ANXA8: variants seen among roughly 807,000 people sequenced by gnomAD.
ANXA8 encodes the protein annexin A8.
In ANXA8, 9 loss-of-function variants were observed where a neutral mutation model predicts 26.8. The observed-to-expected ratio is 0.34, with a 90% CI of 0.20 to 0.59. ANXA8 has a LOEUF of 0.59. Among genes scored for constraint, ANXA8 ranks in the 20% least tolerant of loss-of-function variants. The pLI is 0.84. For missense variants in ANXA8, 83 were observed against 238.5 expected, an observed-to-expected ratio of 0.35 and a Z score of 4.29; for synonymous variants, 39 against 94.8, an observed-to-expected ratio of 0.41 and a Z score of 3.42.
chr10:47,687,731 A>T, the ANXA8 span, among the ~76,000 whole-genome samples: 1 of 151,884 alleles, frequency 6.6e-6, no homozygotes, highest in African/African-American at 2.4e-5. Context: ...TATGAAGGTT[A>T]TTCTTTCTAT....
At chr10:47,973,907 GTT>G in the ANXA8 span, among the ~76,000 whole-genome samples, 1 of 151,060 alleles carries the variant, frequency 6.6e-6, no homozygotes, top group Non-Finnish European at 1.5e-5. Flanking sequence ...GCTTTTTGTT[GTT>G]GTCGTTGGTA....
the ANXA8 span, among the ~76,000 whole-genome samples, chr10:47,776,966 G>T: frequency 1.3e-5 from 2 of 151,846 alleles, no homozygotes; most frequent in Non-Finnish European, 1.5e-5. Context: ...AAACGGAAAA[G>T]GCGGAAGAGG....
At chr10:47,520,859 A>G in the ANXA8 span, among the ~76,000 whole-genome samples, 113 of 129,118 alleles carry the variant, frequency 8.8e-4, 1 homozygote, top group African/African-American at 2.9e-3. Flanking sequence ...AAAAAAAAAA[A>G]AAGAAGAAGA....
the ANXA8 span, among the ~76,000 whole-genome samples, chr10:47,968,646 C>T: frequency 6.8e-6 from 1 of 148,112 alleles, no homozygotes; most frequent in Non-Finnish European, 1.5e-5. Context: ...CACTAGCCAT[C>T]TCTTGCTTTG....
chr10:47,703,499 T>C, the ANXA8 span, among the ~76,000 whole-genome samples: 1 of 150,024 alleles, frequency 6.7e-6, no homozygotes, highest in Non-Finnish European at 1.5e-5. Flanking sequence ...TCCCAGGAGG[T>C]TGAGGCTGCA....
chr10:47,469,990 C>T (rs2458528), intron 11 of ANXA8, among the ~76,000 whole-genome samples: 4,448 of 151,250 alleles, frequency 0.029, 347 homozygotes, highest in African/African-American at 0.099. Context: ...GCGATCCTCC[C>T]GCGTTGGCCT....
the ANXA8 span, among the ~76,000 whole-genome samples, chr10:47,614,090 T>A: frequency 9.4e-5 from 7 of 74,676 alleles, 3 homozygotes; most frequent in Non-Finnish European, 1.7e-4. Context: ...AATTTGAATA[T>A]CTTTATGTTG....
At chr10:47,581,122 A>T in the ANXA8 span, 2 of 200,804 alleles carry the variant, frequency 1.0e-5, no homozygotes, top group South Asian at 1.6e-4. Flanking sequence ...AGTGAACTGC[A>T]TGTTGCTGCA....
chr10:47,614,065 TA>T, the ANXA8 span, among the ~76,000 whole-genome samples: 2 of 74,386 alleles, frequency 2.7e-5, 1 homozygote, highest in Non-Finnish European at 6.9e-5. Flanking sequence ...AAAATTCGAT[TA>T]TTTTTTCAAA....
the ANXA8 span, among the ~76,000 whole-genome samples, chr10:47,575,198 C>CAAAAAAAAA: frequency 7.3e-4 from 78 of 107,238 alleles, no homozygotes; most frequent in African/African-American, 1.8e-3. Context: ...GAGTGAAACT[C>CAAAAAAAAA]AAAAAAAAAA....
the ANXA8 span, among the ~76,000 whole-genome samples, chr10:47,708,184 C>CA: frequency 8.6e-6 from 1 of 116,834 alleles, no homozygotes; most frequent in South Asian, 3.0e-4. Context: ...ACAAAAAATA[C>CA]AAAAAAATTA....
chr10:47,562,897 C>A, the ANXA8 span, among the ~76,000 whole-genome samples: 2 of 150,060 alleles, frequency 1.3e-5, no homozygotes, highest in Non-Finnish European at 2.9e-5. Context: ...GTATTTTGAA[C>A]CTGGTGACTA....
the ANXA8 span, among the ~76,000 whole-genome samples, chr10:47,940,906 G>C: frequency 7.1e-6 from 1 of 141,586 alleles, no homozygotes; most frequent in Non-Finnish European, 1.5e-5. Context: ...AAGAGAGGGA[G>C]AGAGAGAGAA....
chr10:47,776,682 G>T, the ANXA8 span, among the ~76,000 whole-genome samples: 2 of 151,858 alleles, frequency 1.3e-5, no homozygotes, highest in African/African-American at 4.9e-5. Context: ...ACAGTGATTG[G>T]CTGAGGCCTA....
the ANXA8 span, chr10:47,730,250 G>T: frequency 1.9e-6 from 1 of 530,714 alleles, no homozygotes; most frequent in African/African-American, 2.7e-5. Flanking sequence ...CTTCCTCAGA[G>T]ATCACCTATG....
chr10:47,932,691 G>GCTCTCTCTCTCTCTCT, the ANXA8 span, among the ~76,000 whole-genome samples: 1 of 88,014 alleles, frequency 1.1e-5, no homozygotes, highest in Admixed American at 1.2e-4. Context: ...CAAAGAGCAT[G>GCTCTCTCTCTCTCTCT]CTCTCTCTCT....
At chr10:47,525,948 G>A in the ANXA8 span, among the ~76,000 whole-genome samples, 1 of 135,392 alleles carries the variant, frequency 7.4e-6, no homozygotes, top group Non-Finnish European at 1.6e-5. Flanking sequence ...GGGATTGCAG[G>A]CATGCGTCAC....
chr10:47,918,346 GGGGA>G, the ANXA8 span, among the ~76,000 whole-genome samples: 1 of 19,482 alleles, frequency 5.1e-5, no homozygotes, highest in Non-Finnish European at 1.0e-4. Flanking sequence ...AGAGAGGGAG[GGGGA>G]GGGAGGGAGA....
chr10:47,659,301 T>G, the ANXA8 span, among the ~76,000 whole-genome samples: 2 of 151,868 alleles, frequency 1.3e-5, no homozygotes, highest in Non-Finnish European at 2.9e-5. Context: ...TCTTTCTCAT[T>G]CCTTAACATT....
Sources: allele counts gnomAD v4.1 joint callset (sites outside exome capture counted in the v4.1 genomes callset), GRCh38; gene constraint gnomAD v4.1.1; transcripts MANE v1.5; gene names NCBI Gene and HGNC (gene_info 2026-07-23, HGNC 2026-07-21).